The following NDE1 variants were observed in gnomAD, a reference collection of about 807,000 sequenced individuals.
NDE1 encodes the protein nudE neurodevelopment protein 1.
A neutral mutation model predicts 43.4 loss-of-function variants in NDE1; 28 were observed. The ratio of observed to expected loss-of-function variants is 0.65; its 90% CI spans 0.48 to 0.89. The LOEUF (loss-of-function observed/expected upper bound fraction) is 0.89. NDE1 is among the 40% of genes least tolerant of loss of function. The pLI is 0.00. For synonymous variants in NDE1, 184 were observed against 172.0 expected, an observed-to-expected ratio of 1.07 and a Z score of -0.55; for missense variants, 441 against 434.1, an observed-to-expected ratio of 1.02 and a Z score of -0.14.
upstream of NDE1, among the ~76,000 whole-genome samples, chr16:15,647,120 A>C (rs953237784): frequency 6.6e-6 from 1 of 152,232 alleles, no homozygotes; most frequent in Non-Finnish European, 1.5e-5. Context: ...TAAATGATTC[A>C]TTAATGTTTG....
chr16:15,679,568 GTGTT>G (rs901352057), intron 4 of NDE1, among the ~76,000 whole-genome samples: 16 of 152,126 alleles, frequency 1.1e-4, no homozygotes, highest in Non-Finnish European at 2.9e-5. Flanking sequence ...TGTAGGATTT[GTGTT>G]TGTTCTTTTA....
chr16:15,685,458 C>G (rs1464048565), intron 4 of NDE1, among the ~76,000 whole-genome samples: 1 of 152,014 alleles, frequency 6.6e-6, no homozygotes, highest in Non-Finnish European at 1.5e-5. Flanking sequence ...TCTATATTAC[C>G]CAGGCTGGTC....
intron 8 of NDE1, chr16:15,712,897 A>ATTTTTTT (rs2039897795): frequency 4.6e-5 from 2 of 43,816 alleles, no homozygotes. Flanking sequence ...TTTTTTTTTG[A>ATTTTTTT]GACCGAGTCT....
At chr16:15,683,758 C>T (rs541685848) in intron 4 of NDE1, among the ~76,000 whole-genome samples, 1 of 152,322 alleles carries the variant, frequency 6.6e-6, no homozygotes, top group African/African-American at 2.4e-5. Flanking sequence ...TAGCTCATGC[C>T]TGTAATCTGT....
intron 8 of NDE1, chr16:15,708,799 A>G (rs774813200): frequency 2.5e-6 from 4 of 1,607,352 alleles, no homozygotes; most frequent in Non-Finnish European, 2.5e-6. Flanking sequence ...TGAAGGCATG[A>G]TACCTGGTGC....
chr16:15,675,484 G>A (rs941026309), intron 3 of NDE1, among the ~76,000 whole-genome samples: 4 of 151,086 alleles, frequency 2.6e-5, no homozygotes, highest in Admixed American at 6.6e-5. Flanking sequence ...TGGCCTGGGC[G>A]GGAGTGCAGC....
intron 8 of NDE1, among the ~76,000 whole-genome samples, chr16:15,712,068 TAAG>T (rs1040204132): frequency 4.6e-5 from 7 of 152,188 alleles, no homozygotes; most frequent in African/African-American, 1.7e-4. Context: ...ACCAAAACGT[TAAG>T]AAGGACCACG....
rs1180179941 is a variant in NDE1 at position 15,724,794 on chromosome 16, C to T, written c.*543C>T. ...GCTTCTGCCGGGTTTCTTCTTGAAG[C>T]AGCTCCTGCAAAAGGGATGCAAAGA... On this transcript the variant is annotated 3_prime_UTR_variant, in exon 9 of 9. Coordinates refer to ENST00000396354, the MANE Select transcript of NDE1 (RefSeq NM_017668.3). 6.2e-7 allele frequency: 1 copy of T among 1,613,938 alleles called. No individual in the cohort carries two copies. The highest frequency in any genetic ancestry group is 8.5e-7 in the Non-Finnish European group (1 of 1,180,032).
In NDE1 at chr16:15,650,834, A is replaced by AC. The variant is rs1435959260; in HGVS notation, c.-44+543dup. ...ATTGCAGCGTTGCCCCTGCCCTCAC[A>AC]CCCACTGTCCCGCCCCTGCAGGCCT... On this transcript the variant is annotated intron_variant, in intron 1 of 8. Transcript: ENST00000396354. 8.0e-5 allele frequency among the ~76,000 whole-genome samples: 12 copies of AC among 150,462 alleles called. No homozygotes were observed. In the East Asian group the frequency reaches 2.2e-3, roughly 27 times the overall value.
chr16:15,659,365 C>G (rs1329712462), intron 1 of NDE1, among the ~76,000 whole-genome samples: 1 of 151,358 alleles, frequency 6.6e-6, no homozygotes, highest in Non-Finnish European at 1.5e-5. Flanking sequence ...TCTTTTGTCC[C>G]CAGGGATACA....
In NDE1 at chr16:15,715,248, C is replaced by T. The variant is rs146024732; in HGVS notation, c.948-8943C>T. 598 of 1,614,068 alleles carry T rather than the reference C, an allele frequency of 3.7e-4. No individual in the cohort carries two copies. Among genetic ancestry groups the T allele is most frequent in the Middle Eastern group, 1.8e-3 (11 of 6,054 alleles). On this transcript the variant is annotated intron_variant, in intron 8 of 8. Transcript: ENST00000396354. ...TCAGCTTCTTGTCTTTCTGCTTCAG[C>T]GACTTGGTGGCCGCCTGTTTCTCTC... is the stretch of plus-strand genomic sequence containing the variant.
chr16:15,650,923 T>G (rs538323423), intron 1 of NDE1, among the ~76,000 whole-genome samples: 1 of 152,302 alleles, frequency 6.6e-6, no homozygotes, highest in African/African-American at 2.4e-5. Context: ...TGCTCTCCGC[T>G]TTGCTCCCGT....
chr16:15,719,669 G>A (rs1196861372), intron 8 of NDE1: 10 of 1,614,056 alleles, frequency 6.2e-6, no homozygotes, highest in Non-Finnish European at 8.5e-6. Context: ...CATCTCTGGA[G>A]GCACGGGCAT....
chr16:15,697,223 T>C (rs1368237213), intron 8 of NDE1, among the ~76,000 whole-genome samples: 1 of 152,126 alleles, frequency 6.6e-6, no homozygotes, highest in African/African-American at 2.4e-5. Context: ...TTTGTATTTT[T>C]TCTAGAGACA....
chr16:15,687,027 T>C (rs1180634338), intron 4 of NDE1: 1 of 985,274 alleles, frequency 1.0e-6, no homozygotes, highest in Admixed American at 6.2e-5. Flanking sequence ...CTGGTTGGCA[T>C]TGTGAGCTTG....
chr16:15,655,663 T>G (rs2036725410), intron 1 of NDE1, among the ~76,000 whole-genome samples: 1 of 152,056 alleles, frequency 6.6e-6, no homozygotes, highest in South Asian at 2.1e-4. Context: ...CATGCTTCTA[T>G]AAAGACACAT....
chr16:15,704,926 A>AC (rs1440886816), intron 8 of NDE1, among the ~76,000 whole-genome samples: 2 of 151,568 alleles, frequency 1.3e-5, no homozygotes, highest in Admixed American at 6.6e-5. Flanking sequence ...CAGTTCTCCT[A>AC]CCTTGGCCTC....
chr16:15,685,732 G>C (rs891791196), intron 4 of NDE1, among the ~76,000 whole-genome samples: 1 of 152,074 alleles, frequency 6.6e-6, no homozygotes, highest in Non-Finnish European at 1.5e-5. Flanking sequence ...TGAGGATGAA[G>C]GAGATCAAGT....
intron 8 of NDE1, chr16:15,721,119 G>GT (rs2040450930): frequency 1.3e-6 from 2 of 1,548,244 alleles, no homozygotes; most frequent in Non-Finnish European, 1.8e-6. Flanking sequence ...GAAACCCACC[G>GT]TGAGCGGCAC....
Sources: allele counts gnomAD v4.1 joint callset (sites outside exome capture counted in the v4.1 genomes callset), GRCh38; gene constraint gnomAD v4.1.1; transcripts MANE v1.5; gene names NCBI Gene and HGNC (gene_info 2026-07-23, HGNC 2026-07-21).